The following NEK7 variants were observed in gnomAD, a reference collection of about 807,000 sequenced individuals.
NEK7 encodes NIMA related kinase 7.
Under a neutral mutation model 44.6 loss-of-function variants are expected in NEK7, and 18 were observed. That is an observed-to-expected ratio of 0.40 (90% confidence interval 0.28 to 0.60). The LOEUF (loss-of-function observed/expected upper bound fraction) is 0.60. NEK7 is among the 20% of genes least tolerant of loss of function. The pLI, the probability that NEK7 is intolerant of heterozygous loss-of-function variation, is 0.38. For synonymous variants in NEK7, 130 were observed against 121.1 expected (o/e 1.07, Z -0.48); for missense variants, 256 against 366.5 (o/e 0.70, Z 2.46).
At chr1:198,212,257 G>A (rs1473153954) in intron 1 of NEK7, among the ~76,000 whole-genome samples, 1 of 152,218 alleles carries the variant, frequency 6.6e-6, no homozygotes, top group Non-Finnish European at 1.5e-5. Context: ...AGGTGCAGGA[G>A]CTGGATGCCC....
chr1:198,241,355 A>C (rs1199118624), intron 2 of NEK7, among the ~76,000 whole-genome samples: 1 of 152,222 alleles, frequency 6.6e-6, no homozygotes, highest in Admixed American at 6.5e-5. Flanking sequence ...ACATTTAATC[A>C]TGTCTTCTTT....
intron 1 of NEK7, among the ~76,000 whole-genome samples, chr1:198,193,393 G>A (rs894659043): frequency 5.3e-5 from 8 of 152,056 alleles, no homozygotes; most frequent in Non-Finnish European, 1.0e-4. Context: ...AAAAGGAGCT[G>A]GTACCATTTC....
intron 1 of NEK7, among the ~76,000 whole-genome samples, chr1:198,206,358 C>A (rs1367077163): frequency 6.6e-6 from 1 of 151,906 alleles, no homozygotes; most frequent in Non-Finnish European, 1.5e-5. Flanking sequence ...GTCAGTGGTC[C>A]CTTGATTAAA....
chr1:198,252,899 T>G lies in NEK7; in HGVS notation c.58-141T>G, dbSNP rs946555707. ...GTGTAGGACAGTGCCTGGCATAAGTTCAGTAAATATTTGTTGTTGAGTGAA... is the reference window on the plus strand; with the variant it reads ...GTGTAGGACAGTGCCTGGCATAAGTGCAGTAAATATTTGTTGTTGAGTGAA... On this transcript the variant is annotated intron_variant, in intron 2 of 9. Transcript: ENST00000367385. 3.7e-5 allele frequency: 24 copies of G among 657,108 alleles called. No individual in the cohort carries two copies. The Admixed American group carries it at 4.7e-4, about 13-fold the overall frequency. The allele number at this position is 657,108 out of a possible 1,614,324, so 40.7% of individuals were successfully genotyped here. A position where few individuals can be genotyped will look rare whatever the true frequency, so the allele number is the denominator to read the frequency against.
chr1:198,271,930 C>T (rs930249636), intron 5 of NEK7, among the ~76,000 whole-genome samples: 14 of 136,238 alleles, frequency 1.0e-4, no homozygotes, highest in East Asian at 3.0e-4. Context: ...TATATACACA[C>T]ACACACACAC....
At chr1:198,213,353 GTC>G (rs1665831373) in intron 1 of NEK7, among the ~76,000 whole-genome samples, 1 of 152,236 alleles carries the variant, frequency 6.6e-6, no homozygotes, top group Non-Finnish European at 1.5e-5. Flanking sequence ...AGTGGGGAAA[GTC>G]TGCAGCTCTA....
chr1:198,237,280 A>C (rs1033019563), intron 2 of NEK7, among the ~76,000 whole-genome samples: 3 of 152,112 alleles, frequency 2.0e-5, no homozygotes, highest in Non-Finnish European at 4.4e-5. Flanking sequence ...TTCCAGTCTC[A>C]TGATTCTATG....
chr1:198,218,206 T>A (rs1665981830), intron 1 of NEK7, among the ~76,000 whole-genome samples: 1 of 152,044 alleles, frequency 6.6e-6, no homozygotes, highest in Non-Finnish European at 1.5e-5. Context: ...TGCATGGTAC[T>A]GGTATAAAAG....
At chr1:198,269,460 G>A (rs145008578) in intron 5 of NEK7, among the ~76,000 whole-genome samples, 2 of 151,786 alleles carry the variant, frequency 1.3e-5, no homozygotes, top group African/African-American at 4.8e-5. Flanking sequence ...GATTATATCA[G>A]GAAAAAAAAT....
Position 198,322,330 on chromosome 1 carries a change from A to G in NEK7, c.*2808A>G, listed in dbSNP as rs1655555002. 6.6e-6 allele frequency: 1 copy of G among 152,180 alleles called. No homozygotes were observed. The highest frequency in any genetic ancestry group is 6.5e-5 in the Admixed American group (1 of 15,284). The allele number at this position is 152,180 out of a possible 1,614,324, so 9.4% of individuals were successfully genotyped here. On this transcript the variant is annotated 3_prime_UTR_variant, in exon 10 of 10. Transcript: ENST00000367385. ...TTTTATTTTGTTATGCTTTAAATATACATACAAAAAGATTTCTGTTATTAG... is the reference window on the plus strand; with the variant it reads ...TTTTATTTTGTTATGCTTTAAATATGCATACAAAAAGATTTCTGTTATTAG...
chr1:198,281,280 A>G (rs1408241855), intron 7 of NEK7, among the ~76,000 whole-genome samples: 1 of 152,094 alleles, frequency 6.6e-6, no homozygotes, highest in Non-Finnish European at 1.5e-5. Context: ...TTTTAAGAGC[A>G]AATTTAAGTT....
chr1:198,312,664 A>G lies in NEK7; in HGVS notation c.799-6748A>G, dbSNP rs1418155269. Among the ~76,000 whole-genome samples, 3 of 151,750 alleles carry G rather than the reference A, an allele frequency of 2.0e-5. No homozygotes were observed. In the South Asian group the frequency reaches 6.3e-4, roughly 32 times the overall value. On this transcript the variant is annotated intron_variant, in intron 9 of 9. Coordinates refer to ENST00000367385, the MANE Select transcript of NEK7 (RefSeq NM_133494.3). ...TCTTTGTTCTCGTTGGTTTCAAAGAACATCTTTATTTCTGCCTTCATTTCG... is the reference window on the plus strand; with the variant it reads ...TCTTTGTTCTCGTTGGTTTCAAAGAGCATCTTTATTTCTGCCTTCATTTCG...
intron 1 of NEK7, chr1:198,197,896 T>C: frequency 8.5e-7 from 1 of 1,171,656 alleles, no homozygotes; most frequent in Non-Finnish European, 1.3e-6. Context: ...CTATCACTCC[T>C]AGTCCGAACA....
At chr1:198,250,995 C>A (rs1652936854) in intron 2 of NEK7, among the ~76,000 whole-genome samples, 1 of 152,106 alleles carries the variant, frequency 6.6e-6, no homozygotes, top group South Asian at 2.1e-4. Flanking sequence ...TTTGCCCATT[C>A]AGTATGATAT....
intron 1 of NEK7, among the ~76,000 whole-genome samples, chr1:198,206,220 A>G (rs957764471): frequency 1.6e-4 from 24 of 152,330 alleles, no homozygotes; most frequent in African/African-American, 5.5e-4. Context: ...TCAAAATATT[A>G]GGTAACAGAC....
chr1:198,167,800 G>A (rs1664311849), intron 1 of NEK7, among the ~76,000 whole-genome samples: 1 of 152,210 alleles, frequency 6.6e-6, no homozygotes, highest in East Asian at 1.9e-4. Flanking sequence ...GTCTGGCCAC[G>A]CTGGAAAGTG....
chr1:198,236,535 C>A (rs567847659), intron 2 of NEK7, among the ~76,000 whole-genome samples: 8 of 152,308 alleles, frequency 5.3e-5, no homozygotes, highest in African/African-American at 1.9e-4. Context: ...TGTATATTTT[C>A]TGTCCTCAAA....
chr1:198,278,811 T>C (rs1282860015), intron 6 of NEK7, 143 bp from the exon 7 acceptor site: 1 of 575,360 alleles, frequency 1.7e-6, no homozygotes, highest in African/African-American at 1.9e-5. Flanking sequence ...ATCAGAATTA[T>C]TCAAAATAAA....
rs1350546982 is a variant in NEK7 at position 198,320,247 on chromosome 1, C to G, written c.*725C>G. The G allele has an allele frequency of 6.6e-6, 1 of 152,034 alleles. No homozygotes were observed. The highest frequency in any genetic ancestry group is 1.5e-5 in the Non-Finnish European group (1 of 67,964). The allele number at this position is 152,034 out of a possible 1,614,324, so 9.4% of individuals were successfully genotyped here. ...AAAAAGTGGTTAAGGATTTGTTTAG[C>G]TGGTGTGATAATAATTTTTAAAGTT... On this transcript the variant is annotated 3_prime_UTR_variant, in exon 10 of 10. Transcript: ENST00000367385.
Sources: allele counts gnomAD v4.1 joint callset (sites outside exome capture counted in the v4.1 genomes callset), GRCh38; gene constraint gnomAD v4.1.1; transcripts MANE v1.5; gene names NCBI Gene and HGNC (gene_info 2026-07-23, HGNC 2026-07-21).